Variants in RASGRF2 observed in about 807,000 individuals in gnomAD.
RASGRF2 encodes ras-specific guanine nucleotide-releasing factor 2.
In RASGRF2, 76 loss-of-function variants were observed where a neutral mutation model predicts 151.0. The ratio of observed to expected loss-of-function variants is 0.50; its 90% confidence interval spans 0.42 to 0.61. The LOEUF (loss-of-function observed/expected upper bound fraction) is 0.61. Among genes scored for constraint, RASGRF2 ranks in the 20% least tolerant of loss-of-function variants. The pLI is 0.00. For synonymous variants in RASGRF2, 504 were observed against 566.5 expected (o/e 0.89, Z 1.57); for missense variants, 1,148 against 1,564.6 (o/e 0.73, Z 4.49).
intron 23 of RASGRF2, among the ~76,000 whole-genome samples, chr5:81,215,061 C>T (rs189301769): frequency 6.6e-6 from 1 of 152,064 alleles, no homozygotes. Context: ...TATATTCGGC[C>T]TGGTGCAGTG....
chr5:80,979,062 A>T (rs1017325977), intron 1 of RASGRF2, among the ~76,000 whole-genome samples: 3 of 152,220 alleles, frequency 2.0e-5, no homozygotes, highest in Admixed American at 1.3e-4. Context: ...ATTTGTGAAT[A>T]AATTTGCAGG....
intron 26 of RASGRF2, among the ~76,000 whole-genome samples, chr5:81,223,133 T>C (rs1755889370): frequency 6.6e-6 from 1 of 152,216 alleles, no homozygotes; most frequent in Non-Finnish European, 1.5e-5. Context: ...CACTTACTAT[T>C]GTAAAGAGGT....
intron 1 of RASGRF2, chr5:80,997,244 T>C (rs1019923919): frequency 2.0e-5 from 3 of 152,186 alleles, no homozygotes; most frequent in African/African-American, 7.2e-5. Flanking sequence ...ATCTAGCATC[T>C]GGCTTCCAGT....
At chr5:81,030,319 G>A (rs975102854) in intron 1 of RASGRF2, among the ~76,000 whole-genome samples, 3 of 152,038 alleles carry the variant, frequency 2.0e-5, no homozygotes, top group Non-Finnish European at 1.5e-5. Context: ...GATACTCCTC[G>A]AGAAGAGCAA....
In RASGRF2 at chr5:81,099,086, A is replaced by G. The variant is rs114453652; in HGVS notation, c.1755+4094A>G. Among the ~76,000 whole-genome samples the G allele has an allele frequency of 5.6e-3, 850 of 152,308 alleles. 6 individuals carry two copies. The highest frequency in any genetic ancestry group is 0.02 in the African/African-American group (825 of 41,568). On this transcript the variant is annotated intron_variant, in intron 12 of 26. Transcript: ENST00000265080. ...TTCCTTAACCCACATTCCAGATGCC[A>G]TTCTAAACTCCATAAGCTCCATAGA...
chr5:81,007,178 G>C (rs552188564), intron 1 of RASGRF2, among the ~76,000 whole-genome samples: 22 of 152,218 alleles, frequency 1.4e-4, no homozygotes, highest in Middle Eastern at 6.8e-3. Context: ...CATTCGGGAG[G>C]GGGTGTAGCT....
chr5:81,109,390 C>T (rs1752935181), intron 13 of RASGRF2, among the ~76,000 whole-genome samples: 1 of 152,190 alleles, frequency 6.6e-6, no homozygotes, highest in Admixed American at 6.5e-5. Context: ...GGTGCGGTGG[C>T]TCACGCCTGT....
At chr5:81,221,456 T>C (rs1345362900) in intron 26 of RASGRF2, among the ~76,000 whole-genome samples, 1 of 152,234 alleles carries the variant, frequency 6.6e-6, no homozygotes, top group Non-Finnish European at 1.5e-5. Context: ...GTTCCAAGCT[T>C]GGCCATCGGG....
intron 18 of RASGRF2, among the ~76,000 whole-genome samples, chr5:81,195,203 C>T (rs73768036): frequency 0.053 from 8,127 of 152,280 alleles, 565 homozygotes; most frequent in African/African-American, 0.16. Context: ...GGGCCCGCGC[C>T]AGAGCCAATG....
chr5:81,115,987 G>A (rs1227577778), intron 15 of RASGRF2, among the ~76,000 whole-genome samples: 1 of 147,418 alleles, frequency 6.8e-6, no homozygotes, highest in Non-Finnish European at 1.5e-5. Flanking sequence ...GGGTTGGAAA[G>A]AAGAGATGGG....
At chr5:80,976,649 C>T (rs1035739219) in intron 1 of RASGRF2, among the ~76,000 whole-genome samples, 1 of 152,134 alleles carries the variant, frequency 6.6e-6, no homozygotes, top group African/African-American at 2.4e-5. Flanking sequence ...CCTCCTGAAC[C>T]TCTTGACTTG....
intron 15 of RASGRF2, among the ~76,000 whole-genome samples, chr5:81,122,518 C>T (rs903102325): frequency 3.9e-5 from 6 of 152,110 alleles, no homozygotes; most frequent in Non-Finnish European, 5.9e-5. Flanking sequence ...TATTTCTAAG[C>T]GGATAAGTCA....
intron 24 of RASGRF2, among the ~76,000 whole-genome samples, 165 bp downstream of exon 24, chr5:81,216,120 G>T (rs1755729751): frequency 6.6e-6 from 1 of 152,018 alleles, no homozygotes; most frequent in Admixed American, 6.6e-5. Flanking sequence ...TTATTATTTG[G>T]AATACTGTGC....
chr5:81,030,385 G>T (rs573492095), intron 1 of RASGRF2, among the ~76,000 whole-genome samples: 115 of 152,266 alleles, frequency 7.6e-4, no homozygotes, highest in African/African-American at 2.6e-3. Context: ...AAAAAATATT[G>T]AGGGCAGCCA....
chr5:81,116,217 G>A (rs1334261882), intron 15 of RASGRF2, among the ~76,000 whole-genome samples: 1 of 151,642 alleles, frequency 6.6e-6, no homozygotes, highest in Admixed American at 6.6e-5. Context: ...TGAGTAGCTG[G>A]GATTACAGGC....
chr5:81,171,482 A>G (rs1410373252), intron 17 of RASGRF2, among the ~76,000 whole-genome samples: 1 of 152,124 alleles, frequency 6.6e-6, no homozygotes, highest in Admixed American at 6.5e-5. Flanking sequence ...CACTTTTTAG[A>G]TAGTTGGTCA....
At chr5:81,020,608 CA>C (rs1749793078) in intron 1 of RASGRF2, among the ~76,000 whole-genome samples, 1 of 152,024 alleles carries the variant, frequency 6.6e-6, no homozygotes, top group African/African-American at 2.4e-5. Flanking sequence ...AGCTCTCAGC[CA>C]GTGTGAGAAA....
At chr5:81,134,828 A>G (rs936747917) in intron 17 of RASGRF2, among the ~76,000 whole-genome samples, 11 of 152,200 alleles carry the variant, frequency 7.2e-5, no homozygotes, top group African/African-American at 2.7e-4. Context: ...TCCAAGTTGT[A>G]CATTTAAATT....
intron 7 of RASGRF2, among the ~76,000 whole-genome samples, chr5:81,082,408 C>A (rs1437014519): frequency 6.6e-6 from 1 of 152,154 alleles, no homozygotes. Context: ...TTTTGATTGA[C>A]CCCCGGGAAT....
Sources: gnomAD v4.1 joint callset for allele counts (sites outside exome capture counted in the v4.1 genomes callset) on GRCh38, gnomAD v4.1.1 for gene constraint, MANE v1.5 for transcripts, NCBI Gene and HGNC (gene_info 2026-07-23, HGNC 2026-07-21) for gene names.